The following PKP2 variants were observed in gnomAD, a reference collection of about 807,000 sequenced individuals.
PKP2 encodes plakophilin-2.
In PKP2, 73 loss-of-function variants were observed where a neutral mutation model predicts 83.4. The ratio of observed to expected loss-of-function variants is 0.88; its 90% CI spans 0.72 to 1.06. The LOEUF (loss-of-function observed/expected upper bound fraction) is 1.06. PKP2 is among the 50% of genes least tolerant of loss of function. PKP2 has a pLI of 0.00. For missense variants in PKP2, 966 were observed against 1,065.4 expected (o/e 0.91, Z 1.30); for synonymous variants, 409 against 430.4 (o/e 0.95, Z 0.62).
intron 6 of PKP2, among the ~76,000 whole-genome samples, chr12:32,837,248 T>C (rs987017076): frequency 6.6e-6 from 1 of 152,198 alleles, no homozygotes; most frequent in African/African-American, 2.4e-5. Context: ...TACTAATGTA[T>C]CTAGCATACT....
chr12:32,861,273 T>C (rs1956795615), intron 4 of PKP2, among the ~76,000 whole-genome samples: 2 of 152,052 alleles, frequency 1.3e-5, no homozygotes, highest in African/African-American at 2.4e-5. Flanking sequence ...GACACAGATA[T>C]TAGAATTAGC....
At chr12:32,870,604 A>G (rs1956887546) in intron 3 of PKP2, among the ~76,000 whole-genome samples, 2 of 152,086 alleles carry the variant, frequency 1.3e-5, no homozygotes, top group South Asian at 4.1e-4. Context: ...AGGATATTAC[A>G]CCTTTTAAAG....
chr12:32,818,054 G>A (rs982497233), intron 9 of PKP2, among the ~76,000 whole-genome samples: 2 of 152,170 alleles, frequency 1.3e-5, no homozygotes, highest in African/African-American at 4.8e-5. Flanking sequence ...CCCCAGCCTA[G>A]TCTGTGAAAA....
intron 1 of PKP2, among the ~76,000 whole-genome samples, chr12:32,895,281 T>C (rs923465048): frequency 2.0e-5 from 3 of 152,200 alleles, no homozygotes; most frequent in African/African-American, 7.2e-5. Context: ...ACTACGATCA[T>C]TGAACATCTT....
chr12:32,840,173 T>C (rs1956576971), intron 6 of PKP2, among the ~76,000 whole-genome samples: 1 of 152,204 alleles, frequency 6.6e-6, no homozygotes, highest in Admixed American at 6.5e-5. Context: ...TTCTAACAAC[T>C]TCCAGGTGGT....
intron 1 of PKP2, among the ~76,000 whole-genome samples, chr12:32,895,752 G>C (rs1444334003): frequency 6.6e-6 from 1 of 152,190 alleles, no homozygotes; most frequent in Non-Finnish European, 1.5e-5. Context: ...GTGTGCATGT[G>C]TGTGCTTACA....
At chr12:32,824,689 G>T (rs567393138) in intron 6 of PKP2, among the ~76,000 whole-genome samples, 3 of 152,140 alleles carry the variant, frequency 2.0e-5, no homozygotes, top group Admixed American at 2.0e-4. Flanking sequence ...TCTAAAATGC[G>T]ATTATTTTAT....
chr12:32,872,522 GAA>G (rs745817511), intron 3 of PKP2, among the ~76,000 whole-genome samples: 32 of 151,968 alleles, frequency 2.1e-4, no homozygotes, highest in Non-Finnish European at 4.1e-4. Flanking sequence ...CAACAAGAGT[GAA>G]AGTCTGTCTC....
At chr12:32,811,117 G>A (rs1303912706) in intron 9 of PKP2, among the ~76,000 whole-genome samples, 1 of 152,188 alleles carries the variant, frequency 6.6e-6, no homozygotes, top group Non-Finnish European at 1.5e-5. Context: ...CCAAATGTTT[G>A]TGAAACCAAT....
chr12:32,849,534 G>A (rs1956678556), intron 5 of PKP2, among the ~76,000 whole-genome samples: 1 of 152,196 alleles, frequency 6.6e-6, no homozygotes, highest in African/African-American at 2.4e-5. Context: ...TGTACTCTTT[G>A]TACTGTGTGC....
intron 11 of PKP2, among the ~76,000 whole-genome samples, chr12:32,793,687 C>G (rs1956094588): frequency 6.9e-6 from 1 of 145,976 alleles, no homozygotes; most frequent in Non-Finnish European, 1.5e-5. Context: ...CCTCCGTCTC[C>G]CAGGTTCAAG....
intron 4 of PKP2, among the ~76,000 whole-genome samples, chr12:32,855,773 C>CAAAAAAAAAAAAAAAAAAAAAAAA (rs11431590): frequency 6.4e-5 from 3 of 46,838 alleles, no homozygotes; most frequent in African/African-American, 3.2e-4. Context: ...GACTCCATCT[C>CAAAAAAAAAAAAAAAAAAAAAAAA]AAAAAAAAAA....
At chr12:32,869,789 G>A (rs1009088548) in intron 3 of PKP2, among the ~76,000 whole-genome samples, 6 of 152,208 alleles carry the variant, frequency 3.9e-5, no homozygotes, top group Non-Finnish European at 7.3e-5. Flanking sequence ...CGAGGGCAAG[G>A]CAGGAGGATT....
intron 4 of PKP2, among the ~76,000 whole-genome samples, chr12:32,854,861 G>C (rs895707483): frequency 2.0e-5 from 3 of 152,194 alleles, no homozygotes; most frequent in South Asian, 2.1e-4. Context: ...CACAGCCTCT[G>C]CTGAGGCAAA....
chr12:32,796,308 GA>G lies in PKP2; in HGVS notation c.2168-11del, dbSNP rs746936605. On this transcript the variant is annotated splice_polypyrimidine_tract_variant and intron_variant, in intron 10 of 12. Transcript: ENST00000340811. The stretch of plus-strand genomic sequence containing the variant: ...GGGAGAGTTTCTTTGGCTACAAAAT[GA>G]AAAAAAAAACAAAACACTTGATTAA... 287 of 1,414,490 alleles carry G rather than the reference GA, an allele frequency of 2.0e-4. No homozygotes were observed. The highest frequency in any genetic ancestry group is 4.3e-4 in the South Asian group (34 of 79,158). 87.6% of individuals were successfully genotyped at this position (1,414,490 alleles called of 1,614,324 possible).
chr12:32,869,138 G>A (rs1436118773), intron 3 of PKP2, 76 bp from the exon 4 acceptor site: 14 of 1,544,512 alleles, frequency 9.1e-6, no homozygotes, highest in African/African-American at 1.4e-5. Context: ...CTCCAGAGAC[G>A]ACTCAGCGAA....
Position 32,868,922 on chromosome 12 carries a change from C to T in PKP2, c.1170+5G>A, listed in dbSNP as rs794729105. The T allele has an allele frequency of 1.9e-6, 3 of 1,612,318 alleles. No individual in the cohort carries two copies. Among genetic ancestry groups the T allele is most frequent in the African/African-American group, 2.7e-5 (2 of 75,010 alleles). On this transcript the variant is annotated splice_donor_5th_base_variant and intron_variant, in intron 4 of 12. Transcript: ENST00000340811. ...GCTTTGCAATGGACTGAAGATGACA[C>T]TCACCCTCTTCCGAGCTTCAGATTT...
At chr12:32,832,923 G>A (rs1050051599) in intron 6 of PKP2, among the ~76,000 whole-genome samples, 1 of 152,188 alleles carries the variant, frequency 6.6e-6, no homozygotes, top group Non-Finnish European at 1.5e-5. Flanking sequence ...TTCAGAATAA[G>A]ATATGGATGA....
intron 11 of PKP2, among the ~76,000 whole-genome samples, chr12:32,795,560 T>C (rs1212404300): frequency 6.6e-6 from 1 of 152,176 alleles, no homozygotes; most frequent in Non-Finnish European, 1.5e-5. Flanking sequence ...TTTGTATTTT[T>C]ACTAGAGACA....
Sources: gnomAD v4.1 joint callset for allele counts (sites outside exome capture counted in the v4.1 genomes callset) on GRCh38, gnomAD v4.1.1 for gene constraint, MANE v1.5 for transcripts, NCBI Gene and HGNC (gene_info 2026-07-23, HGNC 2026-07-21) for gene names.